The following DDOST variants were observed in gnomAD, a reference collection of about 807,000 sequenced individuals.
The protein encoded by DDOST is dolichyl-diphosphooligosaccharide--protein glycosyltransferase 48 kDa subunit.
In DDOST, 25 loss-of-function variants were observed where a neutral mutation model predicts 47.6. The ratio of observed to expected loss-of-function variants is 0.53; its 90% CI spans 0.38 to 0.73. The LOEUF is 0.73. DDOST is among the 30% of genes least tolerant of loss of function. The pLI is 0.00. For missense variants in DDOST, 526 were observed against 573.9 expected (o/e 0.92, Z 0.85); for synonymous variants, 275 against 236.0 (o/e 1.17, Z -1.51).
Position 20,652,690 on chromosome 1 carries a change from C to A in DDOST, c.1101G>T (p.Val367=), listed in dbSNP as rs755694319. ...KYSVQFKLPD[V]YGVFQFKVDY... ...CCACTTTAAACTGGAATACACCATA[C>A]ACGTCGGGCAACTTGAACTGAACAC... Residue 367 remains valine, a synonymous_variant, in exon 10 of 11, where the codon GTG becomes GTT. Transcript: ENST00000602624. The A allele has an allele frequency of 6.2e-7, 1 of 1,614,086 alleles. No homozygotes were observed. The highest frequency in any genetic ancestry group is 8.5e-7 in the Non-Finnish European group (1 of 1,180,048).
intron 4 of DDOST, 49 bp downstream of exon 4, chr1:20,655,627 G>A: frequency 6.3e-7 from 1 of 1,589,424 alleles, no homozygotes; most frequent in Non-Finnish European, 8.6e-7. Context: ...TGGCTAAGCA[G>A]AGCTTTGCCA....
At chr1:20,652,795 G>T in intron 9 of DDOST, 56 bp downstream of exon 9, 2 of 1,589,060 alleles carry the variant, frequency 1.3e-6, no homozygotes, top group Non-Finnish European at 1.7e-6. Flanking sequence ...GGCCTCGAGA[G>T]CAAGTGAGGC....
At chr1:20,652,813 C>T (rs1167907103) in intron 9 of DDOST, 38 bp downstream of exon 9, 19 of 1,374,776 alleles carry the variant, frequency 1.4e-5, no homozygotes, top group Admixed American at 1.9e-5. Flanking sequence ...GGCCTGGGGC[C>T]GTTTCTGGCA....
rs774456070 is a variant in DDOST at position 20,653,685 on chromosome 1, G to A, written c.884C>T (p.Ser295Phe). The A allele has an allele frequency of 6.2e-7, 1 of 1,613,974 alleles. No homozygotes were observed. Among genetic ancestry groups the A allele is most frequent in the South Asian group, 1.1e-5 (1 of 91,070 alleles). ...GGCTGTCTCGCCCACCCGATGATGG[G>A]ACACAGGCCCCACACGGAGGACACC... ...EEGVLRVGPV[S>F]HHRVGETAPP... The change falls in exon 8 of 11, where the codon TCC becomes TTC. Residue 295 changes from serine to phenylalanine, a missense_variant. Coordinates refer to ENST00000602624, the MANE Select transcript of DDOST (RefSeq NM_005216.5).
At chr1:20,659,764 TG>T (rs1484011247) in intron 2 of DDOST, among the ~76,000 whole-genome samples, 1 of 152,082 alleles carries the variant, frequency 6.6e-6, no homozygotes, top group Non-Finnish European at 1.5e-5. Flanking sequence ...GAATCTCGCA[TG>T]AACTACAGAG....
chr1:20,652,952 T>G lies in DDOST; in HGVS notation c.962A>C (p.Gln321Pro). ...GACCCATTTGCCATTTGAGAGCTGC[T>G]GGATCACGATGCTATACTCCTGAGA... ...TDLVEYSIVIQQLSNGKWVPF... is the reference protein window; with the variant it reads ...TDLVEYSIVIPQLSNGKWVPF... The change falls in exon 9 of 11, where the codon CAG becomes CCG. Residue 321 changes from glutamine (Q) to proline (P), a missense_variant. Coordinates refer to ENST00000602624, the MANE Select transcript of DDOST (RefSeq NM_005216.5). 6.2e-7 allele frequency: 1 copy of G among 1,614,210 alleles called. No individual in the cohort carries two copies. The highest frequency in any genetic ancestry group is 8.5e-7 in the Non-Finnish European group (1 of 1,180,042).
intron 6 of DDOST, 108 bp downstream of exon 6, chr1:20,654,506 G>A (rs375827914): frequency 8.8e-6 from 12 of 1,370,428 alleles, no homozygotes; most frequent in East Asian, 2.5e-5. Context: ...AGACCACACC[G>A]CTTCTGCCCA....
At chr1:20,660,190 A>G (rs749105951) in intron 2 of DDOST, among the ~76,000 whole-genome samples, 2 of 152,238 alleles carry the variant, frequency 1.3e-5, no homozygotes, top group African/African-American at 2.4e-5. Flanking sequence ...TAAGCATTCT[A>G]TCTATTCTCT....
chr1:20,651,801 T>TTTATTTATTTATTTA lies in DDOST; in HGVS notation c.*577_*578insTAAATAAATAAATAA. 1 of 147,210 alleles carries TTTATTTATTTATTTA rather than the reference T, an allele frequency of 6.8e-6. No individual in the cohort carries two copies. The highest frequency in any genetic ancestry group is 2.5e-5 in the African/African-American group (1 of 39,818). The allele number at this position is 147,210 out of a possible 1,614,324, so 9.1% of individuals were successfully genotyped here. Reference sequence around the variant, plus strand: ...GTTTGAGGGCAACATCTCGCTTTATTTTTATTTATTTATTTATTTATTTAT... The same window carrying TTTATTTATTTATTTA: ...GTTTGAGGGCAACATCTCGCTTTATTTTATTTATTTATTTATTTATTTATTTATTTATTTATTTAT... On this transcript the variant is annotated 3_prime_UTR_variant, in exon 11 of 11. Transcript: ENST00000602624.
intron 5 of DDOST, 41 bp from the exon 6 acceptor site, chr1:20,654,748 CTGAGCCCAAGGA>C: frequency 7.0e-7 from 1 of 1,420,248 alleles, no homozygotes; most frequent in Non-Finnish European, 9.7e-7. Context: ...GCCCCAGGAA[CTGAGCCCAAGGA>C]CATGGGATCC....
chr1:20,660,435 ATTGCTAAGGC>A (rs1323365839), intron 2 of DDOST: 2 of 154,720 alleles, frequency 1.3e-5, no homozygotes, highest in Admixed American at 6.3e-5. Context: ...GTGGTAGATA[ATTGCTAAGGC>A]TCTTTTTTCA....
At chr1:20,658,438 G>A (rs1186690745) in intron 2 of DDOST, among the ~76,000 whole-genome samples, 2 of 152,364 alleles carry the variant, frequency 1.3e-5, no homozygotes, top group African/African-American at 4.8e-5. Flanking sequence ...CCCAAGGAAC[G>A]CCTGAGGATT....
chr1:20,659,298 C>T (rs1296986240), intron 2 of DDOST, among the ~76,000 whole-genome samples: 1 of 152,092 alleles, frequency 6.6e-6, no homozygotes, highest in East Asian at 1.9e-4. Context: ...TTTACACTCT[C>T]TGTCGTTTCT....
chr1:20,660,192 C>G (rs1397156890), intron 2 of DDOST, among the ~76,000 whole-genome samples: 1 of 152,220 alleles, frequency 6.6e-6, no homozygotes, highest in African/African-American at 2.4e-5. Context: ...AGCATTCTAT[C>G]TATTCTCTAA....
At position 20,652,269 on chromosome 1, in the gene DDOST, A is replaced by G. The variant is rs138277251; in HGVS notation, c.*110T>C. The G allele has an allele frequency of 4.7e-4, 538 of 1,144,670 alleles. 1 individual carries two copies. In the African/African-American group the frequency reaches 7.7e-3, roughly 16 times the overall value. The allele number at this position is 1,144,670 out of a possible 1,614,324, so 70.9% of individuals were successfully genotyped here. A position where few individuals can be genotyped will look rare whatever the true frequency, so the allele number is the denominator to read the frequency against. On this transcript the variant is annotated 3_prime_UTR_variant, in exon 11 of 11. Coordinates refer to ENST00000602624, the MANE Select transcript of DDOST (RefSeq NM_005216.5). ...TCAGTGTTGCATCTCCCACAGAGGT[A>G]AAGTTGTGCCATTTTCCCACGGCTT...
chr1:20,660,864 C>A lies in DDOST; in HGVS notation c.265+17G>T, dbSNP rs772573714. 2.7e-6 allele frequency: 4 copies of A among 1,473,302 alleles called. No homozygotes were observed. The highest frequency in any genetic ancestry group is 1.1e-5 in the South Asian group (1 of 87,682). The allele number at this position is 1,473,302 out of a possible 1,614,324, so 91.3% of individuals were successfully genotyped here. A position where few individuals can be genotyped will look rare whatever the true frequency, so the allele number is the denominator to read the frequency against. The stretch of plus-strand genomic sequence containing the variant: ...GGGTCTCGAATTCCAGTGCTAGGGG[C>A]GACGCGGAACCCTTACCTTCTACCG... On this transcript the variant is annotated intron_variant, in intron 2 of 10. Transcript: ENST00000602624.
chr1:20,660,746 C>A, intron 2 of DDOST, 135 bp downstream of exon 2: 1 of 619,398 alleles, frequency 1.6e-6, no homozygotes, highest in South Asian at 1.9e-5. Flanking sequence ...GAGCATTTTC[C>A]TTATCTCCGT....
chr1:20,652,204 C>T lies in DDOST; in HGVS notation c.*175G>A. On this transcript the variant is annotated 3_prime_UTR_variant, in exon 11 of 11. Coordinates refer to ENST00000602624, the MANE Select transcript of DDOST (RefSeq NM_005216.5). ...TTAGCAATTCAAAGTGGAAAAACTT[C>T]TTTTATATAAAAATTATCCCAACTC... 1 of 596,142 alleles carries T rather than the reference C, an allele frequency of 1.7e-6. No individual in the cohort carries two copies. The highest frequency in any genetic ancestry group is 2.7e-6 in the Non-Finnish European group (1 of 373,010). 36.9% of individuals were successfully genotyped at this position (596,142 alleles called of 1,614,324 possible). A position where few individuals can be genotyped will look rare whatever the true frequency, so the allele number is the denominator to read the frequency against.
chr1:20,653,570 C>A, intron 8 of DDOST, 57 bp downstream of exon 8: 2 of 1,513,768 alleles, frequency 1.3e-6, no homozygotes, highest in Non-Finnish European at 1.8e-6. Flanking sequence ...TGCTTCTGAG[C>A]TGAGCTCAGT....
Sources: allele counts gnomAD v4.1 joint callset (sites outside exome capture counted in the v4.1 genomes callset), GRCh38; gene constraint gnomAD v4.1.1; transcripts MANE v1.5; gene names NCBI Gene and HGNC (gene_info 2026-07-23, HGNC 2026-07-21).